Variants in ITGB7 observed in about 807,000 individuals in gnomAD.
ITGB7 encodes the protein integrin beta-7.
A neutral mutation model predicts 83.4 loss-of-function variants in ITGB7; 55 were observed. The ratio of observed to expected loss-of-function variants is 0.66; its 90% CI spans 0.53 to 0.83. ITGB7 has a LOEUF of 0.83. ITGB7 is among the 40% of genes least tolerant of loss of function. The pLI, the probability that ITGB7 is intolerant of heterozygous loss-of-function variation, is 0.00. For missense variants in ITGB7, 921 were observed against 1,046.7 expected (o/e 0.88, Z 1.66); for synonymous variants, 454 against 423.6 (o/e 1.07, Z -0.88).
chr12:53,198,012 C>G (rs917952790), intron 3 of ITGB7, 61 bp from the exon 4 acceptor site: 2 of 1,399,040 alleles, frequency 1.4e-6, no homozygotes, highest in African/African-American at 3.0e-5. Context: ...GCCCCGCTCC[C>G]AAAAACACCC....
In ITGB7 at chr12:53,193,213, A is replaced by G. The variant is rs1458684787; in HGVS notation, c.1653T>C (p.Ser551=). The change falls in exon 12 of 16, where the codon AGT becomes AGC. Residue 551 remains serine (S), a synonymous_variant. Transcript: ENST00000267082. ...CGCACAGATGCCCAGAGCTCTGTCC[A>G]CTGCAGCTGCAGCGTCCACATTGAC... The part of the protein sequence containing the change: ...GHCQCGRCSC[S]GQSSGHLCEC... The G allele has an allele frequency of 3.7e-6, 6 of 1,613,918 alleles. No individual in the cohort carries two copies. The Admixed American group carries it at 6.7e-5, about 18-fold the overall frequency.
rs1295709331 is a variant in ITGB7, at chr12:53,191,563, G to A, written c.2390C>T (p.Thr797Ile). 3.7e-6 allele frequency: 6 copies of A among 1,610,976 alleles called. No homozygotes were observed. The Admixed American group carries it at 8.3e-5, about 22-fold the overall frequency. The stretch of plus-strand genomic sequence containing the variant: ...TAAGTGTCCCTCCCTCCTTCAGAGA[G>A]TGGGACTGTCTGCCTCTTGAAAGCG... ...NPRFQEADSPTL is the reference protein window; with the variant it reads ...NPRFQEADSPIL Residue 797 changes from threonine to isoleucine, a missense_variant, in exon 16 of 16, where the codon ACT (threonine) becomes ATT (isoleucine). Coordinates refer to ENST00000267082, the MANE Select transcript of ITGB7 (RefSeq NM_000889.3).
Position 53,205,556 on chromosome 12 carries a change from C to T in ITGB7, c.-127+1646G>A, listed in dbSNP as rs11574530. On this transcript the variant is annotated intron_variant, in intron 1 of 15. Coordinates refer to ENST00000267082, the MANE Select transcript of ITGB7 (RefSeq NM_000889.3). ...TGTAGGATAAATCCCTAGCAGAGGA[C>T]GTGCAGGATAACTAGATAGGTATCA... Among the ~76,000 whole-genome samples, 256 of 152,140 alleles carry T rather than the reference C, an allele frequency of 1.7e-3. 5 individuals are homozygous for T. In the East Asian group the frequency reaches 0.047, roughly 28 times the overall value.
rs916008682 is a variant in ITGB7, at chr12:53,194,325, G to C, written c.1181C>G (p.Thr394Ser). The change falls in exon 10 of 16, where the codon ACC becomes AGC. Residue 394 changes from threonine to serine, a missense_variant. Physicochemically the swap from Thr to Ser is moderately conservative, Grantham distance 58. Coordinates refer to ENST00000267082, the MANE Select transcript of ITGB7 (RefSeq NM_000889.3). ...AGGAGGGAGTGAAGAGTGTTCAAGG[G>C]TCACGGTGGAAGACAGGCTCTATGG... ...DAYNSLSSTV[T>S]LEHSSLPPGV... 2 of 1,613,932 alleles carry C rather than the reference G, an allele frequency of 1.2e-6. No homozygotes were observed. The highest frequency in any genetic ancestry group is 1.7e-6 in the Non-Finnish European group (2 of 1,180,000).
chr12:53,198,955 C>T (rs1231523674), intron 3 of ITGB7, among the ~76,000 whole-genome samples: 1 of 152,204 alleles, frequency 6.6e-6, no homozygotes, highest in Non-Finnish European at 1.5e-5. Flanking sequence ...CAGACACAGA[C>T]CTGACCATCT....
rs1432343623 is a variant in ITGB7 at position 53,193,706 on chromosome 12, A to G, written c.1502+2T>C. On this transcript the variant is annotated splice_donor_variant, in intron 11 of 15. Coordinates refer to ENST00000267082, the MANE Select transcript of ITGB7 (RefSeq NM_000889.3). LOFTEE classifies it high-confidence loss of function. ...TGGTTGAAGGGAAGAGGAGGCCCTC[A>G]CCTGCATACACCACATTGTAGGTGT... The G allele has an allele frequency of 1.2e-6, 2 of 1,608,118 alleles. No individual in the cohort carries two copies. Among genetic ancestry groups the G allele is most frequent in the East Asian group, 2.2e-5 (1 of 44,818 alleles).
In ITGB7 at chr12:53,196,758, G is replaced by T. The variant is rs11574537; in HGVS notation, c.637C>A (p.Arg213Ser). Reference protein sequence around the residue: ...PFVSTVPSKLRHPCPTRLERC... With the variant: ...PFVSTVPSKLSHPCPTRLERC... ...TCCAGCCGGGTGGGGCAGGGGTGGCGCAGTTTGGAGGGTACTGTGCTCACA... is the reference window on the plus strand; with the variant it reads ...TCCAGCCGGGTGGGGCAGGGGTGGCTCAGTTTGGAGGGTACTGTGCTCACA... Residue 213 changes from arginine (R) to serine (S), a missense_variant, in exon 6 of 16, where the codon CGC becomes AGC. Transcript: ENST00000267082. 973 of 1,613,670 alleles carry T rather than the reference G, an allele frequency of 6.0e-4. 5 individuals are homozygous for T. Among genetic ancestry groups the T allele is most frequent in the Middle Eastern group, 5.9e-3 (36 of 6,060 alleles).
Position 53,197,614 on chromosome 12 carries a change from C to T in ITGB7, c.453G>A (p.Pro151=), listed in dbSNP as rs1942209052. ...GGTCCATAAGGTAGTACAGGTCCAC[C>T]GGGTATCCCTCAGCACGAAGGAAGC... ...QVRFLRAEGY[P]VDLYYLMDLS... The change falls in exon 5 of 16, where the codon CCG becomes CCA. Residue 151 remains proline, a synonymous_variant. Transcript: ENST00000267082. The T allele has an allele frequency of 1.9e-6, 3 of 1,614,102 alleles. No individual in the cohort carries two copies. The highest frequency in any genetic ancestry group is 2.2e-5 in the South Asian group (2 of 91,080).
chr12:53,203,674 A>C, intron 1 of ITGB7, among the ~76,000 whole-genome samples: 1 of 149,796 alleles, frequency 6.7e-6, no homozygotes, highest in Non-Finnish European at 1.5e-5. Context: ...AAAAAAAAGA[A>C]AGAAAGAAAA....
In ITGB7 at chr12:53,192,255, T is replaced by C. The variant is rs1592394990; in HGVS notation, c.2155+75A>G. On this transcript the variant is annotated intron_variant, in intron 14 of 15. Coordinates refer to ENST00000267082, the MANE Select transcript of ITGB7 (RefSeq NM_000889.3). ...TCAGCCCCCAGCCTGTTTCCCATTA[T>C]CTTCACTCTGCATCCCCAGAGTTGA... The C allele has an allele frequency of 2.7e-6, 4 of 1,482,250 alleles. No individual in the cohort carries two copies. The East Asian group carries it at 9.0e-5, about 33-fold the overall frequency. The allele number at this position is 1,482,250 out of a possible 1,614,324, so 91.8% of individuals were successfully genotyped here. A position where few individuals can be genotyped will look rare whatever the true frequency, so the allele number is the denominator to read the frequency against.
chr12:53,191,498 C>T lies in ITGB7; in HGVS notation c.*58G>A, dbSNP rs1941940614. The T allele has an allele frequency of 2.2e-6, 3 of 1,373,370 alleles. No individual in the cohort carries two copies. The highest frequency in any genetic ancestry group is 2.1e-6 in the Non-Finnish European group (2 of 960,604). 85.1% of individuals were successfully genotyped at this position (1,373,370 alleles called of 1,614,324 possible). ...CTTACAGACCCACCCTTCCTCTCAC[C>T]CTCCAGTTCCCACTGTCCTCCAAGG... On this transcript the variant is annotated 3_prime_UTR_variant, in exon 16 of 16. Transcript: ENST00000267082.
intron 15 of ITGB7, 37 bp from the exon 16 acceptor site, chr12:53,191,673 C>T (rs947717248): frequency 6.3e-7 from 1 of 1,586,644 alleles, no homozygotes; most frequent in Admixed American, 1.7e-5. Context: ...GCAAAAATCC[C>T]AGGATTCCTC....
chr12:53,193,683 G>A (rs774176347), intron 11 of ITGB7, 25 bp downstream of exon 11: 2 of 1,581,250 alleles, frequency 1.3e-6, no homozygotes, highest in South Asian at 2.3e-5. Flanking sequence ...GAGCCAGGTG[G>A]TTGAAGGGAA....
intron 1 of ITGB7, among the ~76,000 whole-genome samples, chr12:53,205,846 C>A (rs958992983): frequency 6.6e-6 from 1 of 152,136 alleles, no homozygotes; most frequent in Non-Finnish European, 1.5e-5. Flanking sequence ...TGCTCCCCAC[C>A]ACCTGTGACC....
At chr12:53,197,993 A>G (rs1183070486) in intron 3 of ITGB7, 42 bp from the exon 4 acceptor site, 1 of 1,496,562 alleles carries the variant, frequency 6.7e-7, no homozygotes, top group Non-Finnish European at 8.9e-7. Context: ...GGTCCTGCAT[A>G]GGCCCTGGGC....
At position 53,200,323 on chromosome 12, in the gene ITGB7, T is replaced by C. The variant is rs768320272; in HGVS notation, c.121A>G (p.Met41Val). 1.2e-6 allele frequency: 2 copies of C among 1,614,182 alleles called. No individual in the cohort carries two copies. Among genetic ancestry groups the C allele is most frequent in the Non-Finnish European group, 1.7e-6 (2 of 1,180,032 alleles). Reference protein sequence around the residue: ...ATEWRNPHLSMLGSCQPAPSC... With the variant: ...ATEWRNPHLSVLGSCQPAPSC... ...GGGGCTGGCTGGCAGGACCCCAGCA[T>C]GGACAGGTGAGGATTCCGCCATTCT... The change falls in exon 3 of 16, where the codon ATG becomes GTG. Residue 41 changes from methionine to valine, a missense_variant. Coordinates refer to ENST00000267082, the MANE Select transcript of ITGB7 (RefSeq NM_000889.3).
At chr12:53,194,482 C>G (rs914289468) in intron 9 of ITGB7, 138 bp from the exon 10 acceptor site, 4 of 797,326 alleles carry the variant, frequency 5.0e-6, no homozygotes, top group Non-Finnish European at 8.0e-6. Context: ...TCTGCCCAGT[C>G]GAGGCATTTC....
intron 3 of ITGB7, among the ~76,000 whole-genome samples, chr12:53,199,423 A>G (rs1046518756): frequency 6.6e-6 from 1 of 152,138 alleles, no homozygotes. Flanking sequence ...ATAGGCTACT[A>G]CACACCCAGG....
At chr12:53,192,104 A>G in intron 14 of ITGB7, 85 bp from the exon 15 acceptor site, 1 of 1,487,346 alleles carries the variant, frequency 6.7e-7, no homozygotes, top group South Asian at 1.2e-5. Context: ...CAGCCTGTCC[A>G]ACCCTGTCTG....
Sources: allele counts gnomAD v4.1 joint callset (sites outside exome capture counted in the v4.1 genomes callset), GRCh38; gene constraint gnomAD v4.1.1; transcripts MANE v1.5; gene names NCBI Gene and HGNC (gene_info 2026-07-23, HGNC 2026-07-21).